The following ITPK1 variants were observed in gnomAD, a reference collection of about 807,000 sequenced individuals.
ITPK1 encodes the protein inositol 1,3,4-trisphosphate 5/6-kinase.
Under a neutral mutation model 45.3 loss-of-function variants are expected in ITPK1, and 21 were observed. That is an observed-to-expected ratio of 0.46 (90% confidence interval 0.33 to 0.67). The LOEUF is 0.67. Ranked by LOEUF, ITPK1 falls within the 30% of genes least tolerant of loss-of-function variation. The pLI, the probability that ITPK1 is intolerant of heterozygous loss-of-function variation, is 0.02. For missense variants in ITPK1, 474 were observed against 573.5 expected, an observed-to-expected ratio of 0.83 and a Z score of 1.77; for synonymous variants, 258 against 253.6, an observed-to-expected ratio of 1.02 and a Z score of -0.16.
intron 3 of ITPK1, among the ~76,000 whole-genome samples, chr14:93,019,184 C>G (rs1186083927): frequency 6.6e-6 from 1 of 152,204 alleles, no homozygotes; most frequent in South Asian, 2.1e-4. Context: ...CAGGGGGAGC[C>G]GGGCCACAGG....
chr14:92,946,580 C>G, intron 9 of ITPK1, 87 bp from the exon 10 acceptor site: 5 of 1,330,460 alleles, frequency 3.8e-6, no homozygotes, highest in South Asian at 2.5e-5. Context: ...CCAGCTGCCA[C>G]GAGGCCCTGG....
Position 92,958,766 on chromosome 14 carries a change from A to G in ITPK1, c.505-400T>C, listed in dbSNP as rs1010833048. 2.0e-5 allele frequency among the ~76,000 whole-genome samples: 3 copies of G among 152,066 alleles called. No homozygotes were observed. Among genetic ancestry groups the G allele is most frequent in the Non-Finnish European group, 2.9e-5 (2 of 68,006 alleles). ...CCCGGGAGGAGGAAGGAAGCAGATG[A>G]CTCGGGCGCAGGAGTCAGGAGGCCT... On this transcript the variant is annotated intron_variant, in intron 7 of 10. Transcript: ENST00000267615. The surrounding 1 kb of genome is among the most constrained non-coding windows in gnomAD (Gnocchi z 4.4).
In ITPK1 at chr14:92,938,681, C is replaced by A. The variant is rs1887220268; in HGVS notation, c.*2880G>T. The A allele has an allele frequency of 6.1e-6, 4 of 657,770 alleles. No homozygotes were observed. In the Admixed American group the frequency reaches 6.9e-5, roughly 11 times the overall value. 40.7% of individuals were successfully genotyped at this position (657,770 alleles called of 1,614,324 possible). A position where few individuals can be genotyped will look rare whatever the true frequency, so the allele number is the denominator to read the frequency against. On this transcript the variant is annotated 3_prime_UTR_variant, in exon 11 of 11. Coordinates refer to ENST00000267615, the MANE Select transcript of ITPK1 (RefSeq NM_014216.6). ...CCATGCTGGGTGACTGCAGGCCCAG[C>A]CCACCCACCACGTGTGGACCCAGAC...
In ITPK1 at chr14:92,980,138, C is replaced by T. The variant is rs139795499; in HGVS notation, c.364+13742G>A. On this transcript the variant is annotated intron_variant, in intron 5 of 10. Coordinates refer to ENST00000267615, the MANE Select transcript of ITPK1 (RefSeq NM_014216.6). The stretch of plus-strand genomic sequence containing the variant: ...ACTATACACCAGCCCCAGAGGAGCA[C>T]TGAGGCCTGGATCATCTTTGGGCAG... Among the ~76,000 whole-genome samples the T allele has an allele frequency of 2.5e-3, 386 of 152,286 alleles. 2 individuals are homozygous for T. The highest frequency in any genetic ancestry group is 3.4e-3 in the Middle Eastern group (1 of 294).
intron 4 of ITPK1, among the ~76,000 whole-genome samples, chr14:93,008,084 T>C (rs1052674195): frequency 6.6e-6 from 1 of 152,200 alleles, no homozygotes; most frequent in African/African-American, 2.4e-5. Context: ...TATGCCTCCA[T>C]CCTGTTTCAC....
chr14:93,038,406 A>G (rs1889410124), intron 3 of ITPK1, among the ~76,000 whole-genome samples: 1 of 152,162 alleles, frequency 6.6e-6, no homozygotes, highest in Non-Finnish European at 1.5e-5. Context: ...TCAATTCCCT[A>G]CCTTTTAATG....
chr14:92,971,154 TCATCTTGGCCAACTAATGAAG>T (rs1460968945), intron 5 of ITPK1, among the ~76,000 whole-genome samples: 4 of 152,256 alleles, frequency 2.6e-5, no homozygotes, highest in South Asian at 2.1e-4. Context: ...CCCACGCTGC[TCATCTTGGCCAACTAATGAAG>T]CATCCACCTC....
intron 3 of ITPK1, chr14:93,071,687 T>C (rs1891012004): frequency 6.6e-6 from 1 of 152,246 alleles, no homozygotes; most frequent in Non-Finnish European, 1.5e-5. Context: ...AAGCTCTTCT[T>C]TAACCATTGG....
intron 4 of ITPK1, among the ~76,000 whole-genome samples, chr14:92,999,189 G>A (rs550419261): frequency 3.9e-5 from 6 of 152,232 alleles, no homozygotes; most frequent in South Asian, 2.1e-4. Context: ...CCAGGGGCCC[G>A]GACTGACCCC....
At chr14:93,001,069 G>A (rs1887325110) in intron 4 of ITPK1, among the ~76,000 whole-genome samples, 1 of 151,488 alleles carries the variant, frequency 6.6e-6, no homozygotes, top group Admixed American at 6.6e-5. Context: ...CACAAGGTCA[G>A]GAGTTCAAAA....
intron 2 of ITPK1, among the ~76,000 whole-genome samples, chr14:93,114,783 A>C (rs8011697): frequency 1 from 152,222 of 152,222 alleles, 76,111 homozygotes; most frequent in Non-Finnish European, 1. Flanking sequence ...CCCTCAGTAG[A>C]ACTCCCACCG....
chr14:92,997,939 A>C (rs1887143644), intron 4 of ITPK1, among the ~76,000 whole-genome samples: 1 of 152,236 alleles, frequency 6.6e-6, no homozygotes, highest in Non-Finnish European at 1.5e-5. Context: ...GCTGCCACTG[A>C]GAATCTGAGC....
chr14:92,988,749 G>A (rs562826952), intron 5 of ITPK1, among the ~76,000 whole-genome samples: 1 of 152,178 alleles, frequency 6.6e-6, no homozygotes, highest in Non-Finnish European at 1.5e-5. Flanking sequence ...CTAGCTCTGT[G>A]ACCTCAAGTA....
chr14:92,976,705 T>C (rs1418635747), intron 5 of ITPK1, among the ~76,000 whole-genome samples: 1 of 151,994 alleles, frequency 6.6e-6, no homozygotes, highest in Non-Finnish European at 1.5e-5. Flanking sequence ...TTTATAGCAA[T>C]GCCATAGCAC....
chr14:93,095,088 T>C (rs1267857770), intron 2 of ITPK1, among the ~76,000 whole-genome samples: 1 of 152,180 alleles, frequency 6.6e-6, no homozygotes, highest in Non-Finnish European at 1.5e-5. Flanking sequence ...TCACCTCCTG[T>C]CTCTGTCTCC....
At chr14:92,977,088 G>C (rs935697306) in intron 5 of ITPK1, among the ~76,000 whole-genome samples, 3 of 152,222 alleles carry the variant, frequency 2.0e-5, no homozygotes, top group Non-Finnish European at 2.9e-5. Context: ...GGCAATAAGA[G>C]CAGTCCTGCT....
At chr14:92,990,606 G>C (rs1262503139) in intron 5 of ITPK1, among the ~76,000 whole-genome samples, 1 of 152,214 alleles carries the variant, frequency 6.6e-6, no homozygotes, top group Non-Finnish European at 1.5e-5. Context: ...AATGAGACAA[G>C]AATGAGCTCT....
At chr14:93,009,172 GA>G (rs1474682800) in intron 4 of ITPK1, among the ~76,000 whole-genome samples, 1 of 152,174 alleles carries the variant, frequency 6.6e-6, no homozygotes, top group Non-Finnish European at 1.5e-5. Flanking sequence ...TAGCAGTGCA[GA>G]ATTATCCAGC....
At chr14:92,974,155 C>A (rs78861918) in intron 5 of ITPK1, among the ~76,000 whole-genome samples, 3,010 of 152,212 alleles carry the variant, frequency 0.02, 109 homozygotes, top group African/African-American at 0.068. Flanking sequence ...CTCATCTCTC[C>A]CTGAAGTTGG....
Sources: allele counts gnomAD v4.1 joint callset (sites outside exome capture counted in the v4.1 genomes callset), GRCh38; gene constraint gnomAD v4.1.1; non-coding constraint Gnocchi (gnomAD v3.1); transcripts MANE v1.5; gene names NCBI Gene and HGNC (gene_info 2026-07-23, HGNC 2026-07-21).